KCND3: variants seen among roughly 807,000 people sequenced by gnomAD.
KCND3 encodes the protein A-type voltage-gated potassium channel KCND3.
Under a neutral mutation model 51.1 loss-of-function variants are expected in KCND3, and 9 were observed. That is an observed-to-expected ratio of 0.18 (90% CI 0.11 to 0.31). KCND3 has a LOEUF of 0.31. Among genes scored for constraint, KCND3 ranks in the 10% least tolerant of loss-of-function variants. KCND3 has a pLI of 1.00. For missense variants in KCND3, 526 were observed against 903.8 expected, an observed-to-expected ratio of 0.58 and a Z score of 5.36; for synonymous variants, 349 against 368.0, an observed-to-expected ratio of 0.95 and a Z score of 0.59.
intron 2 of KCND3, among the ~76,000 whole-genome samples, chr1:111,873,014 T>C (rs1300070103): frequency 6.6e-6 from 1 of 152,216 alleles, no homozygotes; most frequent in African/African-American, 2.4e-5. Context: ...TCTGATCCTT[T>C]GACTTGAAGC....
rs1321130838 is a variant in KCND3, at chr1:111,780,063, T to A, written c.1461+162A>T. Among the ~76,000 whole-genome samples, 1 of 152,162 alleles carries A rather than the reference T, an allele frequency of 6.6e-6. No homozygotes were observed. The highest frequency in any genetic ancestry group is 2.4e-5 in the African/African-American group (1 of 41,436). ...TCCCACCCTGGTGACCTTGCCCCAC[T>A]CCTCAGGGTCTTCCACCTGAGGGCC... is the stretch of plus-strand genomic sequence containing the variant. On this transcript the variant is annotated intron_variant, in intron 5 of 7. Coordinates refer to ENST00000302127, the MANE Select transcript of KCND3 (RefSeq NM_001378969.1). The surrounding 1 kb of genome is among the most constrained non-coding windows in gnomAD (Gnocchi z 4.2).
At chr1:111,970,077 C>T (rs775326977) in intron 2 of KCND3, among the ~76,000 whole-genome samples, 19 of 151,804 alleles carry the variant, frequency 1.3e-4, no homozygotes, top group African/African-American at 4.4e-4. Context: ...AATGCAATGG[C>T]GCGATCTCAG....
chr1:111,851,412 A>G (rs555343381), intron 2 of KCND3, among the ~76,000 whole-genome samples: 2 of 152,256 alleles, frequency 1.3e-5, no homozygotes, highest in South Asian at 4.2e-4. Flanking sequence ...AGGACTGTTC[A>G]TCTTCTAAAA....
chr1:111,868,047 C>T (rs1668656657), intron 2 of KCND3, among the ~76,000 whole-genome samples: 1 of 152,180 alleles, frequency 6.6e-6, no homozygotes, highest in African/African-American at 2.4e-5. Context: ...TAGCAGAGTG[C>T]CTGGCAAACT....
chr1:111,906,879 C>T (rs1489725225), intron 2 of KCND3, among the ~76,000 whole-genome samples: 1 of 152,240 alleles, frequency 6.6e-6, no homozygotes, highest in African/African-American at 2.4e-5. Context: ...CTTCCATACT[C>T]CAACATCTCT....
At chr1:111,936,801 G>C (rs901927073) in intron 2 of KCND3, among the ~76,000 whole-genome samples, 20 of 152,212 alleles carry the variant, frequency 1.3e-4, no homozygotes, top group Non-Finnish European at 2.1e-4. Context: ...TTATCCAAGT[G>C]ATTTGGGGGC....
At chr1:111,906,013 G>A (rs539731960) in intron 2 of KCND3, among the ~76,000 whole-genome samples, 1 of 152,356 alleles carries the variant, frequency 6.6e-6, no homozygotes, top group Non-Finnish European at 1.5e-5. Context: ...AGAACTAGGA[G>A]AACCCAATGT....
At chr1:111,964,853 G>A (rs951659547) in intron 2 of KCND3, among the ~76,000 whole-genome samples, 2 of 152,190 alleles carry the variant, frequency 1.3e-5, no homozygotes, top group East Asian at 1.9e-4. Flanking sequence ...CCCATTTCCC[G>A]ATGTGTGCAA....
intron 2 of KCND3, among the ~76,000 whole-genome samples, chr1:111,950,590 TG>T (rs1300542392): frequency 6.6e-6 from 1 of 152,062 alleles, no homozygotes; most frequent in Admixed American, 6.5e-5. Context: ...AAAATAAGAA[TG>T]GGATTGAATG....
At chr1:111,825,210 T>G (rs1666521303) in intron 2 of KCND3, among the ~76,000 whole-genome samples, 1 of 152,180 alleles carries the variant, frequency 6.6e-6, no homozygotes, top group Admixed American at 6.5e-5. Flanking sequence ...CTTTGGGAAG[T>G]GGTGGACTAG....
intron 2 of KCND3, among the ~76,000 whole-genome samples, chr1:111,964,698 G>A (rs965440707): frequency 6.6e-6 from 1 of 152,190 alleles, no homozygotes; most frequent in Admixed American, 6.5e-5. Context: ...GTAGACACAA[G>A]AATAGAATGG....
chr1:111,863,619 G>C (rs1668429596), intron 2 of KCND3, among the ~76,000 whole-genome samples: 1 of 152,194 alleles, frequency 6.6e-6, no homozygotes, highest in Admixed American at 6.5e-5. Flanking sequence ...AATCAGAGGG[G>C]CAATGAAGTA....
chr1:111,819,635 T>C (rs938623901), intron 2 of KCND3, among the ~76,000 whole-genome samples: 1 of 151,822 alleles, frequency 6.6e-6, no homozygotes, highest in African/African-American at 2.4e-5. Flanking sequence ...GGAGCAGGGG[T>C]TGGGACAGAG....
intron 2 of KCND3, among the ~76,000 whole-genome samples, chr1:111,866,509 C>T (rs1026174382): frequency 2.0e-5 from 3 of 151,394 alleles, no homozygotes; most frequent in Admixed American, 6.6e-5. Context: ...AAGCAATCTA[C>T]CTGCCTTGGC....
rs140617242 is a variant in KCND3 at position 111,871,013 on chromosome 1, C to A, written c.1107-83907G>T. On this transcript the variant is annotated intron_variant, in intron 2 of 7. Coordinates refer to ENST00000302127, the MANE Select transcript of KCND3 (RefSeq NM_001378969.1). ...CTGAAGAGGAAAGGGCGGGCTCTAG[C>A]TGGATCAACTCTGTGACTGCATGGA... Among the ~76,000 whole-genome samples the A allele has an allele frequency of 3.3e-3, 504 of 152,278 alleles. 3 individuals are homozygous for A. Among genetic ancestry groups the A allele is most frequent in the African/African-American group, 0.011 (476 of 41,540 alleles).
chr1:111,967,942 C>T (rs554552881), intron 2 of KCND3, among the ~76,000 whole-genome samples: 3 of 152,278 alleles, frequency 2.0e-5, no homozygotes, highest in South Asian at 4.1e-4. Context: ...CTACAGAGCC[C>T]CACTCTAGCC....
At chr1:111,963,465 C>T (rs1208666781) in intron 2 of KCND3, among the ~76,000 whole-genome samples, 1 of 152,182 alleles carries the variant, frequency 6.6e-6, no homozygotes, top group African/African-American at 2.4e-5. Context: ...AGTTTTCTCA[C>T]CTGTAAAGTG....
At chr1:111,813,477 A>G (rs1557953093) in intron 2 of KCND3, among the ~76,000 whole-genome samples, 1 of 152,156 alleles carries the variant, frequency 6.6e-6, no homozygotes, top group East Asian at 1.9e-4. Flanking sequence ...CCCTCTTCAC[A>G]TCATAGCACA....
chr1:111,810,539 A>C (rs1039218440), intron 2 of KCND3, among the ~76,000 whole-genome samples: 4 of 152,224 alleles, frequency 2.6e-5, no homozygotes, highest in Non-Finnish European at 5.9e-5. Context: ...CAGGTGTCTG[A>C]GAACTATTCC....
Sources: allele counts gnomAD v4.1 joint callset (sites outside exome capture counted in the v4.1 genomes callset), GRCh38; gene constraint gnomAD v4.1.1; non-coding constraint Gnocchi (gnomAD v3.1); transcripts MANE v1.5; gene names NCBI Gene and HGNC (gene_info 2026-07-23, HGNC 2026-07-21).